HS6ST3: variants seen among roughly 807,000 people sequenced by gnomAD.
The protein encoded by HS6ST3 is heparan sulfate 6-O-sulfotransferase 3.
Under a neutral mutation model 36.7 loss-of-function variants are expected in HS6ST3, and 12 were observed. The ratio of observed to expected loss-of-function variants is 0.33; its 90% CI spans 0.21 to 0.53. HS6ST3 has a LOEUF of 0.53. HS6ST3 is among the 20% of genes least tolerant of loss of function. The pLI is 0.95. For synonymous variants in HS6ST3, 240 were observed against 257.5 expected (o/e 0.93, Z 0.65); for missense variants, 584 against 640.9 (o/e 0.91, Z 0.96).
rs554869678 is a variant in HS6ST3, at chr13:96,435,310, A to G, written c.707+343741A>G. Among the ~76,000 whole-genome samples, 5 of 152,164 alleles carry G rather than the reference A, an allele frequency of 3.3e-5. No homozygotes were observed. The East Asian group carries it at 7.7e-4, about 24-fold the overall frequency. ...TCCTTTCCAAGATAGAAGTGTCTTC[A>G]TTCCCTTCCAAGGTGTACTCCTTTA... On this transcript the variant is annotated intron_variant, in intron 1 of 1. Coordinates refer to ENST00000376705, the MANE Select transcript of HS6ST3 (RefSeq NM_153456.4).
intron 1 of HS6ST3, among the ~76,000 whole-genome samples, chr13:96,190,725 T>C (rs2054284846): frequency 6.6e-6 from 1 of 151,998 alleles, no homozygotes; most frequent in Non-Finnish European, 1.5e-5. Context: ...TACAGGGAAA[T>C]AAAAATAAAA....
At chr13:96,604,078 A>G (rs890315291) in intron 1 of HS6ST3, among the ~76,000 whole-genome samples, 1 of 152,200 alleles carries the variant, frequency 6.6e-6, no homozygotes, top group East Asian at 1.9e-4. Context: ...ATATGGTAAG[A>G]GCTGTGCATT....
chr13:96,715,700 G>A (rs1013523638), intron 1 of HS6ST3, among the ~76,000 whole-genome samples: 9 of 151,914 alleles, frequency 5.9e-5, no homozygotes, highest in Admixed American at 1.3e-4. Flanking sequence ...ATCTATTTCC[G>A]ATAATGAAAG....
intron 1 of HS6ST3, among the ~76,000 whole-genome samples, chr13:96,393,885 A>T (rs1290601258): frequency 6.6e-6 from 1 of 152,144 alleles, no homozygotes; most frequent in Non-Finnish European, 1.5e-5. Flanking sequence ...CTACCCCAGT[A>T]TTTATTCTTA....
chr13:96,735,609 A>G (rs1876263907), intron 1 of HS6ST3, among the ~76,000 whole-genome samples: 1 of 152,186 alleles, frequency 6.6e-6, no homozygotes, highest in South Asian at 2.1e-4. Flanking sequence ...GCAATTCAAG[A>G]GTTGGCCCTG....
At chr13:96,425,514 CTT>C (rs1394449587) in intron 1 of HS6ST3, among the ~76,000 whole-genome samples, 3 of 152,130 alleles carry the variant, frequency 2.0e-5, no homozygotes, top group Non-Finnish European at 4.4e-5. Context: ...ATAAATTGCT[CTT>C]GTTTTCCTGA....
chr13:96,250,597 C>T (rs965898878), intron 1 of HS6ST3, among the ~76,000 whole-genome samples: 3 of 152,172 alleles, frequency 2.0e-5, no homozygotes, highest in Admixed American at 6.5e-5. Flanking sequence ...CTGTCAGTAC[C>T]TTGGTTTCAC....
intron 1 of HS6ST3, among the ~76,000 whole-genome samples, chr13:96,539,828 T>G (rs1346532361): frequency 1.3e-5 from 2 of 152,224 alleles, no homozygotes; most frequent in African/African-American, 4.8e-5. Context: ...CCTTTTGTAT[T>G]TGGACACATC....
intron 1 of HS6ST3, among the ~76,000 whole-genome samples, chr13:96,689,259 GT>G (rs756665800): frequency 1.3e-5 from 2 of 151,996 alleles, no homozygotes; most frequent in African/African-American, 2.4e-5. Flanking sequence ...CCTCATTAGG[GT>G]CCTGAAAGGC....
chr13:96,203,474 T>G (rs1353671458), intron 1 of HS6ST3, among the ~76,000 whole-genome samples: 1 of 152,192 alleles, frequency 6.6e-6, no homozygotes, highest in African/African-American at 2.4e-5. Flanking sequence ...GCTTTCAACA[T>G]ATGGATTCTG....
chr13:96,345,765 C>T (rs1188345612), intron 1 of HS6ST3, among the ~76,000 whole-genome samples: 2 of 152,090 alleles, frequency 1.3e-5, no homozygotes, highest in Non-Finnish European at 2.9e-5. Flanking sequence ...TTTGGCTTCC[C>T]TGGACCACAT....
At chr13:96,792,972 A>T (rs879563619) in intron 1 of HS6ST3, among the ~76,000 whole-genome samples, 3 of 152,034 alleles carry the variant, frequency 2.0e-5, no homozygotes, top group Admixed American at 6.6e-5. Flanking sequence ...GCACCACGCC[A>T]ATTTGTTGAG....
intron 1 of HS6ST3, among the ~76,000 whole-genome samples, chr13:96,535,970 C>T (rs921021141): frequency 1.3e-5 from 2 of 152,206 alleles, no homozygotes; most frequent in Admixed American, 6.5e-5. Context: ...CGTGAGAGCA[C>T]TGTGCACATG....
intron 1 of HS6ST3, among the ~76,000 whole-genome samples, chr13:96,706,875 A>G (rs1875441408): frequency 1.3e-5 from 2 of 152,134 alleles, no homozygotes; most frequent in Admixed American, 1.3e-4. Context: ...ATTTTTAAGC[A>G]TGGGGAGAGG....
intron 1 of HS6ST3, among the ~76,000 whole-genome samples, chr13:96,817,194 A>T (rs938885012): frequency 1.1e-4 from 17 of 152,168 alleles, no homozygotes; most frequent in Admixed American, 5.9e-4. Flanking sequence ...ACGATGTAGG[A>T]GAAGGAGGCA....
intron 1 of HS6ST3, among the ~76,000 whole-genome samples, chr13:96,196,834 G>A (rs568314323): frequency 2.6e-5 from 4 of 152,198 alleles, no homozygotes; most frequent in Admixed American, 6.5e-5. Context: ...TATTGCCATA[G>A]GGCAGAGAGA....
At chr13:96,704,518 A>G (rs1875368757) in intron 1 of HS6ST3, among the ~76,000 whole-genome samples, 1 of 152,198 alleles carries the variant, frequency 6.6e-6, no homozygotes, top group Admixed American at 6.5e-5. Context: ...AAGATGGTTG[A>G]ATGTACATAG....
chr13:96,606,877 A>G (rs2056441030), intron 1 of HS6ST3, among the ~76,000 whole-genome samples: 1 of 152,226 alleles, frequency 6.6e-6, no homozygotes, highest in Admixed American at 6.5e-5. Context: ...CTTAAAAGAA[A>G]TAGAACATGA....
In HS6ST3 at chr13:96,704,587, C is replaced by G. The variant is rs1875370872; in HGVS notation, c.708-127903C>G. 2.6e-5 allele frequency among the ~76,000 whole-genome samples: 4 copies of G among 152,186 alleles called. No individual in the cohort carries two copies. In the South Asian group the frequency reaches 8.3e-4, roughly 32 times the overall value. Reference sequence around the variant, plus strand: ...AGGTGTTGCTCTTGAGTTGGGTACCCTGAGGCATGGGCTGAAGAGAAGCCT... The same window carrying G: ...AGGTGTTGCTCTTGAGTTGGGTACCGTGAGGCATGGGCTGAAGAGAAGCCT... On this transcript the variant is annotated intron_variant, in intron 1 of 1. Transcript: ENST00000376705.
Sources: gnomAD v4.1 joint callset for allele counts (sites outside exome capture counted in the v4.1 genomes callset) on GRCh38, gnomAD v4.1.1 for gene constraint, MANE v1.5 for transcripts, NCBI Gene and HGNC (gene_info 2026-07-23, HGNC 2026-07-21) for gene names.